SIPA1L1: variants seen among roughly 807,000 people sequenced by gnomAD.
SIPA1L1 encodes signal-induced proliferation-associated 1-like protein 1.
SIPA1L1 carries 26 observed loss-of-function variants against 162.7 expected under a neutral mutation model. That is an observed-to-expected ratio of 0.16 (90% CI 0.12 to 0.22). The LOEUF (loss-of-function observed/expected upper bound fraction) is 0.22, where lower values mean the gene tolerates loss of function less well. Among genes scored for constraint, SIPA1L1 ranks in the 10% least tolerant of loss-of-function variants. The pLI is 1.00. For synonymous variants in SIPA1L1, 829 were observed against 837.4 expected (o/e 0.99, Z 0.17); for missense variants, 1,874 against 2,241.0 (o/e 0.84, Z 3.31).
At chr14:71,547,667 AT>A (rs945950717) in intron 4 of SIPA1L1, among the ~76,000 whole-genome samples, 3 of 152,154 alleles carry the variant, frequency 2.0e-5, no homozygotes, top group African/African-American at 7.2e-5. Flanking sequence ...TTGTTCAACT[AT>A]TCCTTTGGGG....
Position 71,702,574 on chromosome 14 carries a change from T to C in SIPA1L1, c.3646+69T>C. On this transcript the variant is annotated intron_variant, in intron 15 of 23. Transcript: ENST00000381232. Reference sequence around the variant, plus strand: ...TGACTTAGGTCACCTCTTGATGATGTTATCAAAACATTGTTATAAAAGGTA... The same window carrying C: ...TGACTTAGGTCACCTCTTGATGATGCTATCAAAACATTGTTATAAAAGGTA... 5 of 1,363,692 alleles carry C rather than the reference T, an allele frequency of 3.7e-6. No individual in the cohort carries two copies. The South Asian group carries it at 5.1e-5, about 14-fold the overall frequency. The allele number at this position is 1,363,692 out of a possible 1,614,324, so 84.5% of individuals were successfully genotyped here.
intron 2 of SIPA1L1, among the ~76,000 whole-genome samples, chr14:71,454,465 TATATTA>T (rs1160632000): frequency 6.6e-6 from 1 of 152,186 alleles, no homozygotes; most frequent in Non-Finnish European, 1.5e-5. Flanking sequence ...TATACTTTCT[TATATTA>T]ATATTAAGTA....
intron 2 of SIPA1L1, among the ~76,000 whole-genome samples, chr14:71,442,109 G>T (rs2044917883): frequency 6.9e-6 from 1 of 144,246 alleles, no homozygotes; most frequent in Non-Finnish European, 1.5e-5. Flanking sequence ...GGAGGCTGGG[G>T]TTGCAGTGAG....
At chr14:71,736,457 C>T (rs957493566) in intron 22 of SIPA1L1, among the ~76,000 whole-genome samples, 6 of 152,146 alleles carry the variant, frequency 3.9e-5, no homozygotes, top group African/African-American at 1.2e-4. Flanking sequence ...AAAACTTGGT[C>T]AGAAACGGAC....
chr14:71,485,196 G>A (rs117200066), intron 2 of SIPA1L1, among the ~76,000 whole-genome samples: 209 of 152,340 alleles, frequency 1.4e-3, no homozygotes, highest in Non-Finnish European at 2.5e-3. Context: ...CAGGATATCA[G>A]TAGCAGAAGA....
chr14:71,523,775 T>A (rs1278220434), intron 3 of SIPA1L1, among the ~76,000 whole-genome samples: 1 of 152,260 alleles, frequency 6.6e-6, no homozygotes, highest in African/African-American at 2.4e-5. Flanking sequence ...TTTATCACTA[T>A]GGACTTGTGG....
chr14:71,572,869 A>G (rs1311403852), intron 4 of SIPA1L1, among the ~76,000 whole-genome samples: 1 of 152,244 alleles, frequency 6.6e-6, no homozygotes, highest in African/African-American at 2.4e-5. Context: ...GTAAATCCTA[A>G]TATATATAGC....
intron 4 of SIPA1L1, among the ~76,000 whole-genome samples, chr14:71,583,478 G>C (rs1013740489): frequency 6.6e-6 from 1 of 152,126 alleles, no homozygotes; most frequent in Non-Finnish European, 1.5e-5. Flanking sequence ...TATGAGGAAC[G>C]CTACATCTTT....
At chr14:71,679,999 C>T (rs879710668) in intron 12 of SIPA1L1, among the ~76,000 whole-genome samples, 4 of 152,098 alleles carry the variant, frequency 2.6e-5, no homozygotes, top group African/African-American at 7.3e-5. Flanking sequence ...CTTTATCACC[C>T]GACTGTCAAC....
At chr14:71,499,151 T>G (rs138368377) in intron 2 of SIPA1L1, among the ~76,000 whole-genome samples, 132 of 152,320 alleles carry the variant, frequency 8.7e-4, no homozygotes, top group African/African-American at 3.0e-3. Flanking sequence ...GCTTTTATTA[T>G]AAATAAAACT....
At chr14:71,436,207 G>A (rs774027761) in intron 2 of SIPA1L1, among the ~76,000 whole-genome samples, 9 of 152,140 alleles carry the variant, frequency 5.9e-5, no homozygotes, top group Non-Finnish European at 8.8e-5. Context: ...CTTTGTGATA[G>A]GGGCTGCTAG....
intron 3 of SIPA1L1, among the ~76,000 whole-genome samples, chr14:71,513,079 C>G (rs901936800): frequency 1.3e-5 from 2 of 152,188 alleles, no homozygotes; most frequent in Non-Finnish European, 2.9e-5. Context: ...TGAAACCCAA[C>G]CACCTTGGGC....
chr14:71,673,853 G>A (rs2044790935), intron 12 of SIPA1L1, among the ~76,000 whole-genome samples: 1 of 152,104 alleles, frequency 6.6e-6, no homozygotes, highest in South Asian at 2.1e-4. Flanking sequence ...AGTTAACCAG[G>A]TCTAATGAAC....
At chr14:71,320,842 G>C (rs1028816470) in intron 1 of SIPA1L1, among the ~76,000 whole-genome samples, 2 of 152,000 alleles carry the variant, frequency 1.3e-5, no homozygotes, top group Non-Finnish European at 2.9e-5. Context: ...CGGCGCGAGC[G>C]GGGGCCCGGG....
Position 71,661,307 on chromosome 14 carries a change from T to G in SIPA1L1, c.2098-3T>G. The G allele has an allele frequency of 6.2e-7, 1 of 1,610,154 alleles. No homozygotes were observed. The highest frequency in any genetic ancestry group is 2.2e-5 in the East Asian group (1 of 44,830). ...TATGTTGGTTGCTTATTTTTTCTTG[T>G]AGCTCCTGAGGAAGCGGCACATTGG... On this transcript the variant is annotated splice_polypyrimidine_tract_variant and splice_region_variant and intron_variant, in intron 9 of 23. Transcript: ENST00000381232.
chr14:71,441,744 ACTC>A (rs768515261), intron 2 of SIPA1L1, among the ~76,000 whole-genome samples: 96 of 152,026 alleles, frequency 6.3e-4, no homozygotes, highest in Non-Finnish European at 1.1e-3. Context: ...TTTGATTAAC[ACTC>A]CTTTCTCTTA....
intron 2 of SIPA1L1, among the ~76,000 whole-genome samples, chr14:71,502,497 C>T (rs371942862): frequency 8.5e-4 from 128 of 150,992 alleles, no homozygotes; most frequent in Middle Eastern, 3.4e-3. Flanking sequence ...GTGATCCACC[C>T]GGCTCAACCT....
intron 2 of SIPA1L1, among the ~76,000 whole-genome samples, chr14:71,344,054 AAAC>A (rs1207820019): frequency 2.6e-5 from 4 of 152,260 alleles, no homozygotes; most frequent in African/African-American, 9.6e-5. Flanking sequence ...AGCAAGGAAA[AAAC>A]ATTTTTTTTG....
At chr14:71,679,249 T>A (rs915947888) in intron 12 of SIPA1L1, among the ~76,000 whole-genome samples, 1 of 152,176 alleles carries the variant, frequency 6.6e-6, no homozygotes, top group Non-Finnish European at 1.5e-5. Context: ...GCAGAAACTC[T>A]ACAAGCCAGT....
Sources: allele counts gnomAD v4.1 joint callset (sites outside exome capture counted in the v4.1 genomes callset), GRCh38; gene constraint gnomAD v4.1.1; transcripts MANE v1.5; gene names NCBI Gene and HGNC (gene_info 2026-07-23, HGNC 2026-07-21).